SEMA6D: variants seen among roughly 807,000 people sequenced by gnomAD.
The protein encoded by SEMA6D is semaphorin 6D.
SEMA6D carries 35 observed loss-of-function variants against 106.6 expected under a neutral mutation model. The ratio of observed to expected loss-of-function variants is 0.33; its 90% CI spans 0.25 to 0.44. SEMA6D has a LOEUF of 0.44. Among genes scored for constraint, SEMA6D ranks in the 20% least tolerant of loss-of-function variants. The pLI, the probability that SEMA6D is intolerant of heterozygous loss-of-function variation, is 1.00. For synonymous variants in SEMA6D, 499 were observed against 487.7 expected, an observed-to-expected ratio of 1.02 and a Z score of -0.31; for missense variants, 1,185 against 1,345.9, an observed-to-expected ratio of 0.88 and a Z score of 1.87.
chr15:47,636,491 T>G (rs1486438561), intron 4 of SEMA6D, among the ~76,000 whole-genome samples: 1 of 152,130 alleles, frequency 6.6e-6, no homozygotes, highest in Non-Finnish European at 1.5e-5. Flanking sequence ...TCTCCTGAAT[T>G]TCCTACCCCA....
intron 1 of SEMA6D, among the ~76,000 whole-genome samples, chr15:47,326,047 G>A (rs974374481): frequency 1.7e-4 from 26 of 152,060 alleles, no homozygotes; most frequent in South Asian, 6.2e-4. Context: ...TTAGGGGTCC[G>A]AATCAAAGCT....
intron 1 of SEMA6D, among the ~76,000 whole-genome samples, chr15:47,324,975 A>G (rs975006645): frequency 1.3e-5 from 2 of 152,104 alleles, no homozygotes; most frequent in African/African-American, 2.4e-5. Context: ...AAAACCATGT[A>G]TATATTGGTA....
In SEMA6D at chr15:47,324,677, A is replaced by T. The variant is rs531123489; in HGVS notation, c.-238-87716A>T. ...TATATGTATATATATAAACTATTAT[A>T]TTTAAATATATGCTATTTATACTAT... On this transcript the variant is annotated intron_variant, in intron 1 of 19. Transcript: ENST00000558014. Among the ~76,000 whole-genome samples the T allele has an allele frequency of 2.0e-5, 3 of 150,270 alleles. No homozygotes were observed. The South Asian group carries it at 6.3e-4, about 31-fold the overall frequency.
chr15:47,406,677 A>C (rs1405911390), intron 1 of SEMA6D, among the ~76,000 whole-genome samples: 1 of 151,824 alleles, frequency 6.6e-6, no homozygotes, highest in East Asian at 1.9e-4. Flanking sequence ...AAGATGAGTA[A>C]GTTCTGGAGA....
In SEMA6D at chr15:47,537,290, C is replaced by T. The variant is rs1204615857; in HGVS notation, c.-86-63575C>T. Among the ~76,000 whole-genome samples, 5 of 152,282 alleles carry T rather than the reference C, an allele frequency of 3.3e-5. No homozygotes were observed. The East Asian group carries it at 7.7e-4, about 24-fold the overall frequency. On this transcript the variant is annotated intron_variant, in intron 3 of 19. Coordinates refer to the SEMA6D transcript ENST00000558014. ...AGATTATAAAACAACAAAGCAGACCCTCCTTAAAGAACAAATACAACTTGT... is the reference window on the plus strand; with the variant it reads ...AGATTATAAAACAACAAAGCAGACCTTCCTTAAAGAACAAATACAACTTGT...
chr15:47,613,755 G>A (rs568321474), intron 4 of SEMA6D, among the ~76,000 whole-genome samples: 6 of 152,046 alleles, frequency 3.9e-5, no homozygotes, highest in African/African-American at 9.6e-5. Flanking sequence ...CCAGGTTCAC[G>A]CCATTCTCCT....
chr15:47,716,097 C>G (rs960676086), upstream of SEMA6D, among the ~76,000 whole-genome samples: 6 of 152,154 alleles, frequency 3.9e-5, no homozygotes, highest in Admixed American at 3.9e-4. Context: ...CAACAAAAGA[C>G]CTAATAACAA....
chr15:47,441,424 A>G (rs1479193166), intron 2 of SEMA6D, among the ~76,000 whole-genome samples: 4 of 152,124 alleles, frequency 2.6e-5, no homozygotes, highest in African/African-American at 9.7e-5. Flanking sequence ...AGAAATGACA[A>G]AATGGAGTGT....
intron 1 of SEMA6D, among the ~76,000 whole-genome samples, chr15:47,733,328 A>C (rs2080251290): frequency 6.6e-6 from 1 of 152,178 alleles, no homozygotes; most frequent in Non-Finnish European, 1.5e-5. Flanking sequence ...CAGTCCTAAG[A>C]CATCATAAAA....
At chr15:47,452,912 A>G (rs1279113731) in intron 2 of SEMA6D, among the ~76,000 whole-genome samples, 1 of 151,970 alleles carries the variant, frequency 6.6e-6, no homozygotes, top group Non-Finnish European at 1.5e-5. Flanking sequence ...TTTATTTTTA[A>G]ATGAATGTAT....
intron 1 of SEMA6D, among the ~76,000 whole-genome samples, chr15:47,248,828 G>T (rs2033348689): frequency 6.6e-6 from 1 of 152,126 alleles, no homozygotes; most frequent in Non-Finnish European, 1.5e-5. Flanking sequence ...GAGCATTTTG[G>T]CTGGCTTTGG....
At chr15:47,225,810 G>A (rs1259884120) in intron 1 of SEMA6D, among the ~76,000 whole-genome samples, 1 of 152,004 alleles carries the variant, frequency 6.6e-6, no homozygotes, top group East Asian at 1.9e-4. Context: ...GATTACAGGC[G>A]TGAGCCACCG....
chr15:47,458,519 C>A (rs2042409268), intron 2 of SEMA6D, among the ~76,000 whole-genome samples: 1 of 151,734 alleles, frequency 6.6e-6, no homozygotes, highest in South Asian at 2.1e-4. Context: ...TATTCCCTAG[C>A]CACAATGGAA....
At chr15:47,399,743 G>A (rs1345359028) in intron 1 of SEMA6D, among the ~76,000 whole-genome samples, 3 of 152,204 alleles carry the variant, frequency 2.0e-5, no homozygotes. Flanking sequence ...AAATTCGGAT[G>A]ATAATTATAT....
At chr15:47,349,112 C>A (rs1567017185) in intron 1 of SEMA6D, among the ~76,000 whole-genome samples, 1 of 147,578 alleles carries the variant, frequency 6.8e-6, no homozygotes, top group Non-Finnish European at 1.5e-5. Flanking sequence ...TGAGGCTTAC[C>A]TTTTTTTTTT....
intron 3 of SEMA6D, among the ~76,000 whole-genome samples, chr15:47,542,037 A>C (rs1361708698): frequency 3.3e-5 from 5 of 152,244 alleles, no homozygotes; most frequent in Non-Finnish European, 7.3e-5. Context: ...GATTGCTGTT[A>C]TAACAAGAAA....
chr15:47,716,539 G>T (rs1238278140), upstream of SEMA6D, among the ~76,000 whole-genome samples: 2 of 152,114 alleles, frequency 1.3e-5, no homozygotes, highest in Non-Finnish European at 1.5e-5. Flanking sequence ...TTAAACAGGG[G>T]CATCATGGTT....
chr15:47,293,955 G>A (rs2035697380), intron 1 of SEMA6D, among the ~76,000 whole-genome samples: 1 of 152,146 alleles, frequency 6.6e-6, no homozygotes, highest in Non-Finnish European at 1.5e-5. Context: ...TGCTTGTGGT[G>A]TCATTGGTAT....
intron 1 of SEMA6D, among the ~76,000 whole-genome samples, chr15:47,372,530 T>G (rs1397398001): frequency 6.6e-6 from 1 of 152,216 alleles, no homozygotes; most frequent in East Asian, 1.9e-4. Context: ...TTAGCTCACC[T>G]TCCTGCCTCT....
Sources: allele counts gnomAD v4.1 joint callset (sites outside exome capture counted in the v4.1 genomes callset), GRCh38; gene constraint gnomAD v4.1.1; transcripts MANE v1.5; gene names NCBI Gene and HGNC (gene_info 2026-07-23, HGNC 2026-07-21).